Variants in PLCB4 observed in about 807,000 individuals in gnomAD.
The protein encoded by PLCB4 is 1-phosphatidylinositol 4,5-bisphosphate phosphodiesterase beta-4.
A neutral mutation model predicts 178.8 loss-of-function variants in PLCB4; 77 were observed. That is an observed-to-expected ratio of 0.43 (90% CI 0.36 to 0.52). The LOEUF is 0.52. Among genes scored for constraint, PLCB4 ranks in the 20% least tolerant of loss-of-function variants. PLCB4 has a pLI of 0.00. For synonymous variants in PLCB4, 496 were observed against 490.8 expected (o/e 1.01, Z -0.14); for missense variants, 1,024 against 1,453.4 (o/e 0.70, Z 4.80).
chr20:9,479,068 A>C lies in PLCB4; in HGVS notation c.*59A>C. On this transcript the variant is annotated 3_prime_UTR_variant, in exon 40 of 40. Coordinates refer to ENST00000378473, the MANE Select transcript of PLCB4 (RefSeq NM_001377142.1). ...TCACAAACTTCTGAACACAAACTCCATGGATGAAAGCTGTTTATTTTGTTT... is the reference window on the plus strand; with the variant it reads ...TCACAAACTTCTGAACACAAACTCCCTGGATGAAAGCTGTTTATTTTGTTT... The C allele has an allele frequency of 1.7e-6, 2 of 1,156,992 alleles. No homozygotes were observed. Among genetic ancestry groups the C allele is most frequent in the Non-Finnish European group, 2.6e-6 (2 of 771,674 alleles). The allele number at this position is 1,156,992 out of a possible 1,614,324, so 71.7% of individuals were successfully genotyped here.
chr20:9,301,877 T>C (rs575068788), intron 3 of PLCB4, among the ~76,000 whole-genome samples: 9 of 152,130 alleles, frequency 5.9e-5, no homozygotes, highest in African/African-American at 2.2e-4. Flanking sequence ...GCACAAGGAT[T>C]TAGAACAATG....
At chr20:9,426,241 T>G (rs1367274024) in intron 28 of PLCB4, among the ~76,000 whole-genome samples, 2 of 152,194 alleles carry the variant, frequency 1.3e-5, no homozygotes, top group Non-Finnish European at 2.9e-5. Flanking sequence ...CATAGCAGGT[T>G]TATTCTATAA....
chr20:9,377,154 A>G (rs2036745191), intron 12 of PLCB4, among the ~76,000 whole-genome samples: 1 of 152,178 alleles, frequency 6.6e-6, no homozygotes, highest in African/African-American at 2.4e-5. Context: ...GCCTCTTCTC[A>G]GCACCAGTAA....
intron 1 of PLCB4, among the ~76,000 whole-genome samples, chr20:9,083,798 G>A (rs2090276228): frequency 6.6e-6 from 1 of 152,198 alleles, no homozygotes; most frequent in African/African-American, 2.4e-5. Context: ...GGACACGGGA[G>A]AAGGTAGCAG....
chr20:9,139,674 C>A (rs2092449170), intron 2 of PLCB4, among the ~76,000 whole-genome samples: 1 of 151,934 alleles, frequency 6.6e-6, no homozygotes, highest in South Asian at 2.1e-4. Context: ...ATAGACTTGA[C>A]TTCCCAGCAG....
intron 21 of PLCB4, among the ~76,000 whole-genome samples, chr20:9,407,278 G>A (rs1031402493): frequency 6.6e-6 from 1 of 152,098 alleles, no homozygotes; most frequent in Admixed American, 6.5e-5. Flanking sequence ...GCTAATGTTC[G>A]AGAGTCACTA....
chr20:9,444,106 C>T, intron 31 of PLCB4, 72 bp from the exon 32 acceptor site: 1 of 1,441,536 alleles, frequency 6.9e-7, no homozygotes, highest in African/African-American at 1.4e-5. Flanking sequence ...TTGTTTCTCA[C>T]CAAGTGTAAT....
At chr20:9,272,636 T>G (rs1366113041) in intron 3 of PLCB4, among the ~76,000 whole-genome samples, 1 of 152,132 alleles carries the variant, frequency 6.6e-6, no homozygotes, top group African/African-American at 2.4e-5. Context: ...AGTTCTTTTG[T>G]GCAAAGCAAG....
At chr20:9,212,539 T>A (rs946460620) in intron 2 of PLCB4, among the ~76,000 whole-genome samples, 3 of 152,198 alleles carry the variant, frequency 2.0e-5, no homozygotes, top group African/African-American at 7.2e-5. Context: ...TGGCTAAAGT[T>A]CCCCATTGCT....
intron 3 of PLCB4, among the ~76,000 whole-genome samples, chr20:9,291,952 G>A (rs951383898): frequency 2.0e-5 from 3 of 152,098 alleles, no homozygotes; most frequent in African/African-American, 7.2e-5. Context: ...TATAATAATA[G>A]CAAAGATCTA....
intron 25 of PLCB4, among the ~76,000 whole-genome samples, chr20:9,418,633 A>G (rs1358351727): frequency 6.6e-6 from 1 of 152,104 alleles, no homozygotes. Context: ...CTCTTTTAAC[A>G]TTGTTTTGGC....
intron 15 of PLCB4, among the ~76,000 whole-genome samples, chr20:9,389,315 C>A (rs1315924718): frequency 6.6e-6 from 1 of 152,050 alleles, no homozygotes; most frequent in Non-Finnish European, 1.5e-5. Flanking sequence ...CTTCCCCCGG[C>A]CTTGTAACCA....
intron 3 of PLCB4, among the ~76,000 whole-genome samples, chr20:9,280,717 G>A (rs930310303): frequency 6.6e-6 from 1 of 151,830 alleles, no homozygotes; most frequent in Non-Finnish European, 1.5e-5. Flanking sequence ...ATTTCACTCG[G>A]TGAGGAAATA....
chr20:9,168,667 C>T (rs2093013272), intron 2 of PLCB4, among the ~76,000 whole-genome samples: 1 of 152,162 alleles, frequency 6.6e-6, no homozygotes, highest in Admixed American at 6.5e-5. Flanking sequence ...CAAATAACTG[C>T]TCAGGTCATT....
rs1235938865 is a variant in PLCB4 at position 9,219,449 on chromosome 20, A to G, written c.-16+1997A>G. ...GCGCCACTGCACTCCAGCCTGGGCA[A>G]CAGAGGGAGACTCCGAAAAAAAAAA... On this transcript the variant is annotated intron_variant, in intron 3 of 39. Transcript: ENST00000378473. Among the ~76,000 whole-genome samples, 9 of 152,228 alleles carry G rather than the reference A, an allele frequency of 5.9e-5. No individual in the cohort carries two copies. The East Asian group carries it at 1.7e-3, about 29-fold the overall frequency.
At chr20:9,372,488 A>C (rs1428497320) in intron 11 of PLCB4, 85 bp downstream of exon 11, 1 of 660,248 alleles carries the variant, frequency 1.5e-6, no homozygotes, top group African/African-American at 1.8e-5. Context: ...CTATTTTAAT[A>C]GAGTATGTTG....
chr20:9,370,299 C>A (rs1420754889), intron 9 of PLCB4, among the ~76,000 whole-genome samples: 9 of 152,152 alleles, frequency 5.9e-5, no homozygotes, highest in Non-Finnish European at 1.3e-4. Flanking sequence ...CCCCCTCACC[C>A]AACCCATCAT....
intron 2 of PLCB4, among the ~76,000 whole-genome samples, chr20:9,110,038 A>T (rs2091517097): frequency 6.6e-6 from 1 of 152,174 alleles, no homozygotes; most frequent in Admixed American, 6.6e-5. Flanking sequence ...AGGTTAGTAG[A>T]GTTTTTTAAA....
At chr20:9,435,690 G>A (rs1174319712) in intron 29 of PLCB4, 42 bp downstream of exon 29, 6 of 1,116,846 alleles carry the variant, frequency 5.4e-6, no homozygotes, top group Non-Finnish European at 8.1e-6. Context: ...AGTTGTGGGA[G>A]TTTGATTATC....
Sources: gnomAD v4.1 joint callset for allele counts (sites outside exome capture counted in the v4.1 genomes callset) on GRCh38, gnomAD v4.1.1 for gene constraint, MANE v1.5 for transcripts, NCBI Gene and HGNC (gene_info 2026-07-23, HGNC 2026-07-21) for gene names.